The following PLPP4 variants were observed in gnomAD, a reference collection of about 807,000 sequenced individuals.
The protein encoded by PLPP4 is diacylglycerol pyrophosphate like 2.
In PLPP4, 20 loss-of-function variants were observed where a neutral mutation model predicts 32.2. The observed-to-expected ratio is 0.62, with a 90% CI of 0.44 to 0.90. The LOEUF (loss-of-function observed/expected upper bound fraction) is 0.90, where lower values mean the gene tolerates loss of function less well. Ranked by LOEUF, PLPP4 falls within the 40% of genes least tolerant of loss-of-function variation. PLPP4 has a pLI of 0.00. For missense variants in PLPP4, 257 were observed against 353.1 expected, an observed-to-expected ratio of 0.73 and a Z score of 2.18; for synonymous variants, 127 against 133.0, an observed-to-expected ratio of 0.95 and a Z score of 0.31.
chr10:120,590,147 A>C lies in PLPP4; in HGVS notation c.*645A>C, dbSNP rs552813688. On this transcript the variant is annotated 3_prime_UTR_variant, in exon 7 of 7. Transcript: ENST00000398250. ...AATGAGCATGAAGATGCATGAGTGC[A>C]TGTGTGGGGGATGAGGTCACAGCAG... Among the ~76,000 whole-genome samples the C allele has an allele frequency of 3.9e-5, 6 of 152,362 alleles. No homozygotes were observed. In the South Asian group the frequency reaches 1.0e-3, roughly 26 times the overall value.
In PLPP4 at chr10:120,590,274, G is replaced by A. The variant is rs762425489; in HGVS notation, c.*772G>A. ...CTCATACAGTGAATTTTTGGGGCAC[G>A]GGGGCTTTACTTGGCTCTTCTGCAA... On this transcript the variant is annotated 3_prime_UTR_variant, in exon 7 of 7. Coordinates refer to ENST00000398250, the MANE Select transcript of PLPP4 (RefSeq NM_001030059.3). Among the ~76,000 whole-genome samples the A allele has an allele frequency of 1.3e-5, 2 of 152,158 alleles. No individual in the cohort carries two copies. The highest frequency in any genetic ancestry group is 2.1e-4 in the South Asian group (1 of 4,822).
At chr10:120,464,963 C>T (rs1459620584) in intron 1 of PLPP4, among the ~76,000 whole-genome samples, 2 of 152,132 alleles carry the variant, frequency 1.3e-5, no homozygotes, top group African/African-American at 4.8e-5. Flanking sequence ...GTTGGCTGTA[C>T]CCAGAATTCT....
At chr10:120,506,160 A>G (rs1845479731) in intron 2 of PLPP4, among the ~76,000 whole-genome samples, 1 of 152,248 alleles carries the variant, frequency 6.6e-6, no homozygotes, top group Admixed American at 6.5e-5. Context: ...TCAGCTACAC[A>G]TACTGATTCA....
At position 120,503,814 on chromosome 10, in the gene PLPP4, T is replaced by C; in HGVS notation, c.57-4T>C. On this transcript the variant is annotated splice_polypyrimidine_tract_variant and splice_region_variant and intron_variant, in intron 1 of 6. Transcript: ENST00000398250. ...CTTCATGTACTTTTCTTTTTATGTTTCAGTTTTACAGAGTTTTTGGATCCG... is the reference window on the plus strand; with the variant it reads ...CTTCATGTACTTTTCTTTTTATGTTCCAGTTTTACAGAGTTTTTGGATCCG... 6.2e-7 allele frequency: 1 copy of C among 1,611,054 alleles called. No individual in the cohort carries two copies. Among genetic ancestry groups the C allele is most frequent in the African/African-American group, 1.3e-5 (1 of 74,896 alleles).
chr10:120,482,966 T>C (rs909213160), intron 1 of PLPP4, among the ~76,000 whole-genome samples: 1 of 151,998 alleles, frequency 6.6e-6, no homozygotes, highest in Non-Finnish European at 1.5e-5. Context: ...TTTGAGTCAG[T>C]GGACTGGGAA....
intron 5 of PLPP4, among the ~76,000 whole-genome samples, chr10:120,545,903 G>C (rs1019190870): frequency 6.6e-6 from 1 of 152,150 alleles, no homozygotes; most frequent in African/African-American, 2.4e-5. Flanking sequence ...TGCCAGCGCG[G>C]CTAGAATAAA....
chr10:120,474,848 A>G (rs906300144), intron 1 of PLPP4, among the ~76,000 whole-genome samples: 1 of 152,156 alleles, frequency 6.6e-6, no homozygotes, highest in East Asian at 1.9e-4. Flanking sequence ...TATTCAAACA[A>G]CTCTATAAGG....
intron 5 of PLPP4, among the ~76,000 whole-genome samples, chr10:120,557,814 C>G (rs2134002941): frequency 1.3e-5 from 2 of 152,262 alleles, no homozygotes; most frequent in Middle Eastern, 6.8e-3. Flanking sequence ...AATGGTCTGA[C>G]TTGCCTGATG....
chr10:120,560,473 G>T (rs569387847), intron 5 of PLPP4, among the ~76,000 whole-genome samples: 1 of 152,344 alleles, frequency 6.6e-6, no homozygotes, highest in South Asian at 2.1e-4. Context: ...AATAATGGCA[G>T]ACTGGGCGCA....
intron 5 of PLPP4, among the ~76,000 whole-genome samples, chr10:120,551,311 T>C (rs1026141128): frequency 6.6e-6 from 1 of 152,344 alleles, no homozygotes; most frequent in East Asian, 1.9e-4. Context: ...ACTTTGTGAA[T>C]TGGTTGTCAG....
chr10:120,495,518 C>T (rs575344364), intron 1 of PLPP4, among the ~76,000 whole-genome samples: 11 of 152,242 alleles, frequency 7.2e-5, no homozygotes, highest in African/African-American at 2.4e-4. Flanking sequence ...TTCCCCATTG[C>T]CCGAGAGAGA....
chr10:120,582,022 C>T (rs1214887747), intron 6 of PLPP4, among the ~76,000 whole-genome samples: 5 of 152,112 alleles, frequency 3.3e-5, no homozygotes, highest in African/African-American at 7.2e-5. Flanking sequence ...TGTAAAGGAA[C>T]GTGTTCACTT....
chr10:120,506,785 G>A (rs1322688312), intron 2 of PLPP4, among the ~76,000 whole-genome samples: 3 of 152,172 alleles, frequency 2.0e-5, no homozygotes, highest in East Asian at 1.9e-4. Context: ...TTGCACTTTC[G>A]CTGTCTGTGG....
intron 5 of PLPP4, among the ~76,000 whole-genome samples, chr10:120,541,808 A>T (rs542579964): frequency 6.7e-6 from 1 of 149,644 alleles, no homozygotes. Flanking sequence ...GGAGTCTCGC[A>T]CTGTTGCTGG....
At chr10:120,561,672 C>G (rs1193217404) in intron 5 of PLPP4, among the ~76,000 whole-genome samples, 1 of 152,158 alleles carries the variant, frequency 6.6e-6, no homozygotes, top group Non-Finnish European at 1.5e-5. Context: ...TCATGCTATG[C>G]ATACAGTTGT....
chr10:120,458,537 C>A (rs1244510337), intron 1 of PLPP4, among the ~76,000 whole-genome samples: 1 of 152,056 alleles, frequency 6.6e-6, no homozygotes, highest in Non-Finnish European at 1.5e-5. Flanking sequence ...AAGAAATGCC[C>A]TTTCTTGCAT....
Position 120,513,403 on chromosome 10 carries a change from A to G in PLPP4, c.166-508A>G, listed in dbSNP as rs1288372909. Among the ~76,000 whole-genome samples, 3 of 152,198 alleles carry G rather than the reference A, an allele frequency of 2.0e-5. No individual in the cohort carries two copies. The East Asian group carries it at 5.8e-4, about 29-fold the overall frequency. On this transcript the variant is annotated intron_variant, in intron 2 of 6. Transcript: ENST00000398250. ...AGCATCTATGTGGAGGAAAGGGTATAGAGGAAGGAAGAGTAGAGTCTTTAA... is the reference window on the plus strand; with the variant it reads ...AGCATCTATGTGGAGGAAAGGGTATGGAGGAAGGAAGAGTAGAGTCTTTAA...
In PLPP4 at chr10:120,483,077, G is replaced by A. The variant is rs148317880; in HGVS notation, c.57-20741G>A. Among the ~76,000 whole-genome samples the A allele has an allele frequency of 5.4e-3, 830 of 152,310 alleles. 8 individuals carry two copies. The highest frequency in any genetic ancestry group is 0.019 in the African/African-American group (792 of 41,574). ...AAAGTGGAAGGACTTGACTTGATGA[G>A]TCTTTCAGCCTTCATCTTTCTCCCA... On this transcript the variant is annotated intron_variant, in intron 1 of 6. Transcript: ENST00000398250.
At chr10:120,543,932 A>G (rs955629648) in intron 5 of PLPP4, among the ~76,000 whole-genome samples, 1 of 152,206 alleles carries the variant, frequency 6.6e-6, no homozygotes, top group African/African-American at 2.4e-5. Context: ...ATGTTGTAGC[A>G]TATCTCAGAA....
Sources: gnomAD v4.1 joint callset for allele counts (sites outside exome capture counted in the v4.1 genomes callset) on GRCh38, gnomAD v4.1.1 for gene constraint, MANE v1.5 for transcripts, NCBI Gene and HGNC (gene_info 2026-07-23, HGNC 2026-07-21) for gene names.